Variants in VWC2L observed in about 807,000 individuals in gnomAD.
VWC2L encodes von Willebrand factor C domain-containing protein 2-like.
A neutral mutation model predicts 21.6 loss-of-function variants in VWC2L; 10 were observed. The observed-to-expected ratio is 0.46, with a 90% confidence interval of 0.29 to 0.78. The LOEUF (loss-of-function observed/expected upper bound fraction) is 0.78, where lower values mean the gene tolerates loss of function less well. VWC2L is among the 30% of genes least tolerant of loss of function. The pLI is 0.10. For missense variants in VWC2L, 209 were observed against 277.1 expected, an observed-to-expected ratio of 0.75 and a Z score of 1.74; for synonymous variants, 96 against 94.3, an observed-to-expected ratio of 1.02 and a Z score of -0.10.
chr2:214,439,051 T>A (rs1283451495), intron 3 of VWC2L, among the ~76,000 whole-genome samples: 1 of 152,080 alleles, frequency 6.6e-6, no homozygotes, highest in East Asian at 1.9e-4. Flanking sequence ...GTTATCTTTT[T>A]GTTATTAAAT....
At chr2:214,480,864 C>CAAAAAAAAAAAAAAAAAAAAAAAAA (rs59720596) in intron 3 of VWC2L, among the ~76,000 whole-genome samples, 3 of 71,748 alleles carry the variant, frequency 4.2e-5, no homozygotes, top group African/African-American at 1.6e-4. Flanking sequence ...TATGCCAAGC[C>CAAAAAAAAAAAAAAAAAAAAAAAAA]AAAAAAAAAA....
At chr2:214,465,095 A>T (rs569871682) in intron 3 of VWC2L, among the ~76,000 whole-genome samples, 1 of 152,230 alleles carries the variant, frequency 6.6e-6, no homozygotes, top group East Asian at 1.9e-4. Flanking sequence ...AAGGCCTGGA[A>T]TCAGGGACCC....
chr2:214,576,420 G>C lies in VWC2L; in HGVS notation c.*600G>C, dbSNP rs937204198. On this transcript the variant is annotated 3_prime_UTR_variant, in exon 4 of 4. Transcript: ENST00000312504. ...AGGAAAGAGGGGTGGGCACATAGAC[G>C]GGCCTATTGCTGGACAGGGTTGGGA... is the stretch of plus-strand genomic sequence containing the variant. 2 of 152,102 alleles carry C rather than the reference G, an allele frequency of 1.3e-5. No homozygotes were observed. Among genetic ancestry groups the C allele is most frequent in the African/African-American group, 4.8e-5 (2 of 41,406 alleles). The allele number at this position is 152,102 out of a possible 1,614,324, so 9.4% of individuals were successfully genotyped here. A position where few individuals can be genotyped will look rare whatever the true frequency, so the allele number is the denominator to read the frequency against.
At chr2:214,414,632 G>A (rs543151530) in intron 2 of VWC2L, 49 bp downstream of exon 2, 8 of 1,578,034 alleles carry the variant, frequency 5.1e-6, no homozygotes, top group Middle Eastern at 1.7e-4. Flanking sequence ...TTCATACCAC[G>A]TGCTTAGTAC....
chr2:214,552,929 T>A (rs1689817249), intron 3 of VWC2L, among the ~76,000 whole-genome samples: 1 of 152,212 alleles, frequency 6.6e-6, no homozygotes, highest in African/African-American at 2.4e-5. Context: ...CTTTCCTCTT[T>A]TATATTTCTC....
At chr2:214,498,893 T>C (rs529573507) in intron 3 of VWC2L, among the ~76,000 whole-genome samples, 2 of 151,246 alleles carry the variant, frequency 1.3e-5, no homozygotes, top group African/African-American at 2.4e-5. Flanking sequence ...CATTTTATTA[T>C]CAAGAAGACA....
chr2:214,488,921 A>G (rs921075085), intron 3 of VWC2L, among the ~76,000 whole-genome samples: 12 of 152,194 alleles, frequency 7.9e-5, no homozygotes, highest in African/African-American at 2.2e-4. Flanking sequence ...GGGAGCATCA[A>G]TTCGTTCATG....
chr2:214,462,143 C>A (rs1365765079), intron 3 of VWC2L, among the ~76,000 whole-genome samples: 1 of 152,194 alleles, frequency 6.6e-6, no homozygotes, highest in African/African-American at 2.4e-5. Context: ...CACTGCACTG[C>A]AGCTGCTTGG....
intron 3 of VWC2L, among the ~76,000 whole-genome samples, chr2:214,554,814 TGACA>T (rs2105926735): frequency 6.6e-6 from 1 of 152,304 alleles, no homozygotes; most frequent in East Asian, 1.9e-4. Flanking sequence ...TAGTATGACA[TGACA>T]GACAGCAGGC....
chr2:214,524,728 G>GT (rs947660567), intron 3 of VWC2L, among the ~76,000 whole-genome samples: 1 of 152,016 alleles, frequency 6.6e-6, no homozygotes, highest in Non-Finnish European at 1.5e-5. Flanking sequence ...CAATGCCCCA[G>GT]TTTTTTTCTC....
intron 2 of VWC2L, among the ~76,000 whole-genome samples, chr2:214,424,559 C>T (rs963193215): frequency 2.0e-4 from 31 of 152,246 alleles, no homozygotes; most frequent in African/African-American, 7.2e-4. Context: ...TGGCATGCAC[C>T]ATGTGATTTA....
chr2:214,436,809 A>G, intron 3 of VWC2L, 51 bp downstream of exon 3: 3 of 1,605,874 alleles, frequency 1.9e-6, no homozygotes, highest in Middle Eastern at 1.7e-4. Flanking sequence ...CAAAATACAA[A>G]TATTTCACTA....
At chr2:214,475,497 T>C (rs1688503324) in intron 3 of VWC2L, among the ~76,000 whole-genome samples, 1 of 152,174 alleles carries the variant, frequency 6.6e-6, no homozygotes, top group South Asian at 2.1e-4. Flanking sequence ...CTGAAAAATA[T>C]ACCCATATTA....
intron 2 of VWC2L, among the ~76,000 whole-genome samples, chr2:214,416,861 G>C (rs957573960): frequency 6.6e-6 from 1 of 152,026 alleles, no homozygotes; most frequent in Non-Finnish European, 1.5e-5. Flanking sequence ...TGTGATGACG[G>C]GTACACAATA....
intron 2 of VWC2L, among the ~76,000 whole-genome samples, chr2:214,426,690 C>T (rs1049890837): frequency 1.3e-5 from 2 of 152,166 alleles, no homozygotes; most frequent in African/African-American, 4.8e-5. Context: ...AAAAGGTCTT[C>T]TAACTCTAAC....
At chr2:214,513,092 AG>A (rs751143063) in intron 3 of VWC2L, among the ~76,000 whole-genome samples, 2 of 152,122 alleles carry the variant, frequency 1.3e-5, no homozygotes, top group Non-Finnish European at 2.9e-5. Context: ...GTTAAGTAAA[AG>A]ATTATCGCAC....
chr2:214,549,560 G>A (rs1304259366), intron 3 of VWC2L, among the ~76,000 whole-genome samples: 1 of 152,218 alleles, frequency 6.6e-6, no homozygotes, highest in Non-Finnish European at 1.5e-5. Flanking sequence ...GGATCACAAG[G>A]TCGGCAGTTC....
chr2:214,488,044 C>T (rs981803539), intron 3 of VWC2L, among the ~76,000 whole-genome samples: 5 of 152,128 alleles, frequency 3.3e-5, no homozygotes, highest in East Asian at 1.9e-4. Context: ...AGGGACTCAC[C>T]GTACCTTGTA....
At chr2:214,506,562 T>C (rs866940069) in intron 3 of VWC2L, among the ~76,000 whole-genome samples, 9 of 152,170 alleles carry the variant, frequency 5.9e-5, no homozygotes, top group Middle Eastern at 3.2e-3. Flanking sequence ...TTAGAAATCA[T>C]CACATGTTTT....
Sources: allele counts gnomAD v4.1 joint callset (sites outside exome capture counted in the v4.1 genomes callset), GRCh38; gene constraint gnomAD v4.1.1; transcripts MANE v1.5; gene names NCBI Gene and HGNC (gene_info 2026-07-23, HGNC 2026-07-21).